CNTN4: variants seen among roughly 807,000 people sequenced by gnomAD.
CNTN4 encodes the protein contactin 4, also known as contactin-4.
Under a neutral mutation model 122.5 loss-of-function variants are expected in CNTN4, and 77 were observed. The observed-to-expected ratio is 0.63, with a 90% CI of 0.52 to 0.76. The LOEUF (loss-of-function observed/expected upper bound fraction) is 0.76. Among genes scored for constraint, CNTN4 ranks in the 30% least tolerant of loss-of-function variants. The probability of loss-of-function intolerance (pLI) is 0.00; values close to 1 mark genes in which losing one functional copy is unlikely to be tolerated. For synonymous variants in CNTN4, 512 were observed against 447.0 expected, an observed-to-expected ratio of 1.15 and a Z score of -1.83; for missense variants, 1,256 against 1,259.1, an observed-to-expected ratio of 1.00 and a Z score of 0.04.
chr3:2,550,433 T>G (rs1312426236), intron 3 of CNTN4, among the ~76,000 whole-genome samples: 2 of 152,126 alleles, frequency 1.3e-5, no homozygotes, highest in Non-Finnish European at 2.9e-5. Context: ...TGGTGATCAT[T>G]AAAAAGTCAG....
At chr3:2,212,202 T>C (rs938421300) in intron 2 of CNTN4, among the ~76,000 whole-genome samples, 1 of 152,120 alleles carries the variant, frequency 6.6e-6, no homozygotes, top group Non-Finnish European at 1.5e-5. Flanking sequence ...CTCAAACTCC[T>C]AACCTCAAGT....
At chr3:2,760,694 C>T (rs1211304145) in intron 6 of CNTN4, among the ~76,000 whole-genome samples, 5 of 152,196 alleles carry the variant, frequency 3.3e-5, no homozygotes, top group Non-Finnish European at 7.3e-5. Flanking sequence ...CCTACATTCC[C>T]TGCAAGCAAA....
chr3:2,568,926 T>C (rs547540392), intron 3 of CNTN4, among the ~76,000 whole-genome samples: 12 of 152,346 alleles, frequency 7.9e-5, no homozygotes, highest in African/African-American at 2.6e-4. Context: ...TTCCAGAAAC[T>C]GCTTAACATT....
chr3:2,812,974 T>C, intron 6 of CNTN4, among the ~76,000 whole-genome samples: 1 of 152,188 alleles, frequency 6.6e-6, no homozygotes, highest in Non-Finnish European at 1.5e-5. Flanking sequence ...TACAGGGAAG[T>C]CCAGTCTTCC....
At chr3:2,572,297 A>G (rs1185715358) in intron 4 of CNTN4, among the ~76,000 whole-genome samples, 4 of 152,134 alleles carry the variant, frequency 2.6e-5, no homozygotes, top group Non-Finnish European at 4.4e-5. Flanking sequence ...GAGGCAGGAG[A>G]ATTGCTTGAA....
chr3:2,228,913 A>G (rs1240967788), intron 2 of CNTN4, among the ~76,000 whole-genome samples: 1 of 152,164 alleles, frequency 6.6e-6, no homozygotes, highest in East Asian at 1.9e-4. Context: ...CTGCAAACTA[A>G]GAGAAAATCA....
At chr3:2,780,385 T>C (rs2149845803) in intron 6 of CNTN4, among the ~76,000 whole-genome samples, 1 of 152,334 alleles carries the variant, frequency 6.6e-6, no homozygotes, top group East Asian at 1.9e-4. Flanking sequence ...TAAAAACATG[T>C]TTAAAATCTC....
chr3:2,373,068 T>G (rs58453831), intron 3 of CNTN4, among the ~76,000 whole-genome samples: 2 of 152,050 alleles, frequency 1.3e-5, no homozygotes, highest in African/African-American at 2.4e-5. Context: ...TAAAATAAGA[T>G]AAATAGATTG....
chr3:3,029,503 T>C (rs185706092), intron 15 of CNTN4, among the ~76,000 whole-genome samples: 1 of 152,356 alleles, frequency 6.6e-6, no homozygotes, highest in African/African-American at 2.4e-5. Flanking sequence ...CACTCCATGC[T>C]TTGGCATCTC....
At chr3:2,729,087 T>C (rs996617904) in intron 4 of CNTN4, among the ~76,000 whole-genome samples, 7 of 152,224 alleles carry the variant, frequency 4.6e-5, no homozygotes, top group African/African-American at 1.7e-4. Context: ...ATTTTTGTTC[T>C]TTCCCAACAG....
chr3:2,333,192 T>C (rs1042808448), intron 2 of CNTN4, among the ~76,000 whole-genome samples: 1 of 152,206 alleles, frequency 6.6e-6, no homozygotes, highest in Non-Finnish European at 1.5e-5. Flanking sequence ...CTGTCTTAGA[T>C]TCATAGATCC....
intron 3 of CNTN4, among the ~76,000 whole-genome samples, chr3:2,341,838 C>G (rs1237006943): frequency 6.6e-6 from 1 of 152,206 alleles, no homozygotes; most frequent in Non-Finnish European, 1.5e-5. Context: ...ATCATAATAA[C>G]TTTCTATCCT....
intron 3 of CNTN4, among the ~76,000 whole-genome samples, chr3:2,415,770 G>A (rs2047389622): frequency 6.6e-6 from 1 of 151,998 alleles, no homozygotes. Context: ...GCACTATTGA[G>A]GTTGATGTTG....
intron 3 of CNTN4, among the ~76,000 whole-genome samples, chr3:2,369,477 C>A (rs2045545385): frequency 6.6e-6 from 1 of 152,156 alleles, no homozygotes; most frequent in Non-Finnish European, 1.5e-5. Flanking sequence ...AGAGGCTCTC[C>A]AAGGAAGCCT....
intron 2 of CNTN4, among the ~76,000 whole-genome samples, chr3:2,122,221 A>AAAGGG (rs1212935199): frequency 6.6e-6 from 1 of 152,136 alleles, no homozygotes; most frequent in Non-Finnish European, 1.5e-5. Flanking sequence ...TAATAGTATG[A>AAAGGG]AAGGGTACCT....
At chr3:2,327,516 G>T (rs2043513326) in intron 2 of CNTN4, among the ~76,000 whole-genome samples, 1 of 151,952 alleles carries the variant, frequency 6.6e-6, no homozygotes, top group Admixed American at 6.6e-5. Flanking sequence ...CCCTCTTTAG[G>T]AAAGAAAACC....
intron 2 of CNTN4, among the ~76,000 whole-genome samples, chr3:2,177,025 G>C (rs1160627071): frequency 6.6e-6 from 1 of 151,996 alleles, no homozygotes; most frequent in African/African-American, 2.4e-5. Flanking sequence ...AAGAGTCAGT[G>C]AGAATTTTTT....
At chr3:2,622,181 C>A (rs1007542808) in intron 4 of CNTN4, among the ~76,000 whole-genome samples, 1 of 152,148 alleles carries the variant, frequency 6.6e-6, no homozygotes, top group Non-Finnish European at 1.5e-5. Context: ...CCTGTACTCA[C>A]TATGGCAGTA....
At chr3:2,348,240 C>T (rs569160166) in intron 3 of CNTN4, among the ~76,000 whole-genome samples, 59 of 152,188 alleles carry the variant, frequency 3.9e-4, no homozygotes, top group Non-Finnish European at 6.6e-4. Context: ...ATATACTTAA[C>T]GCTTGGCCCA....
Sources: gnomAD v4.1 joint callset for allele counts (sites outside exome capture counted in the v4.1 genomes callset) on GRCh38, gnomAD v4.1.1 for gene constraint, MANE v1.5 for transcripts, NCBI Gene and HGNC (gene_info 2026-07-23, HGNC 2026-07-21) for gene names.